The following SLIT3 variants were observed in gnomAD, a reference collection of about 807,000 sequenced individuals.
SLIT3 encodes slit homolog 3 protein.
Under a neutral mutation model 184.0 loss-of-function variants are expected in SLIT3, and 68 were observed. That is an observed-to-expected ratio of 0.37 (90% CI 0.30 to 0.45). The LOEUF (loss-of-function observed/expected upper bound fraction) is 0.45. SLIT3 is among the 20% of genes least tolerant of loss of function. The pLI is 1.00. For missense variants in SLIT3, 1,707 were observed against 2,026.0 expected (o/e 0.84, Z 3.02); for synonymous variants, 831 against 828.6 (o/e 1.00, Z -0.05).
intron 4 of SLIT3, among the ~76,000 whole-genome samples, chr5:169,068,688 C>A (rs893746060): frequency 2.6e-5 from 4 of 152,114 alleles, no homozygotes; most frequent in Non-Finnish European, 1.5e-5. Flanking sequence ...CAACCCCCAG[C>A]AAGTTTCAGG....
intron 1 of SLIT3, among the ~76,000 whole-genome samples, chr5:169,287,256 G>C (rs1262365697): frequency 6.6e-6 from 1 of 152,130 alleles, no homozygotes; most frequent in Non-Finnish European, 1.5e-5. Context: ...CTTCAGCTGG[G>C]ATCTTCCCTC....
At chr5:169,003,427 T>G (rs10055380) in intron 4 of SLIT3, among the ~76,000 whole-genome samples, 8,897 of 152,248 alleles carry the variant, frequency 0.058, 625 homozygotes, top group African/African-American at 0.16. Context: ...TGTGGTGAAT[T>G]CCATTGCTAA....
intron 5 of SLIT3, 83 bp from the exon 6 acceptor site, chr5:168,844,738 C>G: frequency 7.9e-7 from 1 of 1,261,662 alleles, no homozygotes; most frequent in Non-Finnish European, 1.2e-6. Context: ...AGCGCCTGTC[C>G]CTCCACCCCC....
chr5:169,187,189 C>G (rs1000653263), intron 4 of SLIT3, among the ~76,000 whole-genome samples: 2 of 130,066 alleles, frequency 1.5e-5, no homozygotes, highest in Non-Finnish European at 1.6e-5. Context: ...TCTCAGCTTA[C>G]TTCAACCTCT....
chr5:168,816,631 T>C (rs549338467), intron 8 of SLIT3, among the ~76,000 whole-genome samples: 1 of 152,338 alleles, frequency 6.6e-6, no homozygotes, highest in South Asian at 2.1e-4. Flanking sequence ...GTGCTTCTGT[T>C]ACATTTCGAT....
chr5:168,846,603 T>C (rs1413837930), intron 5 of SLIT3, among the ~76,000 whole-genome samples: 3 of 146,180 alleles, frequency 2.1e-5, no homozygotes, highest in African/African-American at 7.6e-5. Context: ...TTCGAGAAAC[T>C]GTTCAATGAA....
chr5:169,112,774 TC>T (rs1481235478), intron 4 of SLIT3, among the ~76,000 whole-genome samples: 1 of 152,066 alleles, frequency 6.6e-6, no homozygotes, highest in Non-Finnish European at 1.5e-5. Flanking sequence ...AGGACAGAAG[TC>T]AGGTATCTAT....
intron 12 of SLIT3, among the ~76,000 whole-genome samples, chr5:168,782,328 A>G (rs1456620721): frequency 6.6e-6 from 1 of 152,224 alleles, no homozygotes; most frequent in African/African-American, 2.4e-5. Flanking sequence ...TATGCATGTC[A>G]TGTGATCGAT....
At position 169,257,700 on chromosome 5, in the gene SLIT3, C is replaced by A. The variant is rs1445287975; in HGVS notation, c.198-6241G>T. Among the ~76,000 whole-genome samples, 3 of 151,676 alleles carry A rather than the reference C, an allele frequency of 2.0e-5. No homozygotes were observed. The East Asian group carries it at 5.8e-4, about 30-fold the overall frequency. On this transcript the variant is annotated intron_variant, in intron 1 of 35. Coordinates refer to ENST00000519560, the MANE Select transcript of SLIT3 (RefSeq NM_003062.4). ...CCCAAGTAACTGGGATTACAGGTGC[C>A]TGCCACCACGCCTGGCTAATTTTTT...
chr5:168,731,082 A>G (rs931414997), intron 20 of SLIT3, among the ~76,000 whole-genome samples: 48 of 152,070 alleles, frequency 3.2e-4, no homozygotes, highest in African/African-American at 1.1e-3. Flanking sequence ...AATAAATACA[A>G]TCAGAACTGA....
chr5:168,684,471 CTTAT>C (rs750302748), intron 31 of SLIT3, among the ~76,000 whole-genome samples: 2 of 151,904 alleles, frequency 1.3e-5, no homozygotes, highest in African/African-American at 2.4e-5. Flanking sequence ...AATAATAAGT[CTTAT>C]TTATTTATTT....
intron 16 of SLIT3, among the ~76,000 whole-genome samples, chr5:168,755,389 A>ATTTATTTCTTTCTTTCCTTCCTTCCTTCC (rs1213373035): frequency 7.5e-6 from 1 of 133,640 alleles, no homozygotes; most frequent in East Asian, 2.4e-4. Flanking sequence ...CAGTGCCGCC[A>ATTTATTTCTTTCTTTCCTTCCTTCCTTCC]TTTCTTTCTT....
chr5:169,237,880 A>G (rs1765258389), intron 3 of SLIT3, among the ~76,000 whole-genome samples: 1 of 152,224 alleles, frequency 6.6e-6, no homozygotes, highest in African/African-American at 2.4e-5. Context: ...ATGTAGGTCT[A>G]TGAATCATCT....
intron 4 of SLIT3, among the ~76,000 whole-genome samples, chr5:168,944,068 A>G (rs1428292983): frequency 6.6e-6 from 1 of 152,068 alleles, no homozygotes; most frequent in Non-Finnish European, 1.5e-5. Flanking sequence ...CCATCCTAGG[A>G]CTAATCTTTT....
At chr5:168,974,928 T>C (rs1349079393) in intron 4 of SLIT3, among the ~76,000 whole-genome samples, 1 of 152,194 alleles carries the variant, frequency 6.6e-6, no homozygotes, top group African/African-American at 2.4e-5. Flanking sequence ...GTGGTCCTTC[T>C]AGAAACCCTG....
chr5:169,107,739 C>T (rs1462222079), intron 4 of SLIT3, among the ~76,000 whole-genome samples: 1 of 152,234 alleles, frequency 6.6e-6, no homozygotes, highest in Non-Finnish European at 1.5e-5. Flanking sequence ...CTTGCTCCAG[C>T]CCAATTTGCC....
intron 4 of SLIT3, among the ~76,000 whole-genome samples, chr5:168,999,390 T>A (rs1460279599): frequency 6.6e-6 from 1 of 152,130 alleles, no homozygotes; most frequent in Admixed American, 6.5e-5. Context: ...TAAACAGTAA[T>A]AATTACCCCC....
chr5:168,850,949 A>G (rs970248007), intron 5 of SLIT3, among the ~76,000 whole-genome samples: 3 of 152,228 alleles, frequency 2.0e-5, no homozygotes, highest in African/African-American at 7.2e-5. Context: ...CTGTGTTTAC[A>G]TACTTTCCTG....
intron 12 of SLIT3, among the ~76,000 whole-genome samples, chr5:168,777,034 C>T (rs1755775579): frequency 6.6e-6 from 1 of 151,362 alleles, no homozygotes; most frequent in Non-Finnish European, 1.5e-5. Flanking sequence ...TTCAATCCTC[C>T]TCTGTTTTAA....
Sources: allele counts gnomAD v4.1 joint callset (sites outside exome capture counted in the v4.1 genomes callset), GRCh38; gene constraint gnomAD v4.1.1; transcripts MANE v1.5; gene names NCBI Gene and HGNC (gene_info 2026-07-23, HGNC 2026-07-21).